The following UNC80 variants were observed in gnomAD, a reference collection of about 807,000 sequenced individuals.
The protein encoded by UNC80 is protein unc-80 homolog.
UNC80 carries 164 observed loss-of-function variants against 384.6 expected under a neutral mutation model. The ratio of observed to expected loss-of-function variants is 0.43; its 90% CI spans 0.38 to 0.49. The LOEUF (loss-of-function observed/expected upper bound fraction) is 0.49, where lower values mean the gene tolerates loss of function less well. Among genes scored for constraint, UNC80 ranks in the 20% least tolerant of loss-of-function variants. The pLI is 0.00. For missense variants in UNC80, 3,330 were observed against 4,143.0 expected (o/e 0.80, Z 5.39); for synonymous variants, 1,486 against 1,527.8 (o/e 0.97, Z 0.64).
intron 4 of UNC80, among the ~76,000 whole-genome samples, chr2:209,784,397 A>G (rs2077310690): frequency 6.6e-6 from 1 of 152,102 alleles, no homozygotes; most frequent in African/African-American, 2.4e-5. Flanking sequence ...CCTTATCAAG[A>G]CCTATCAGGC....
intron 31 of UNC80, among the ~76,000 whole-genome samples, chr2:209,915,449 G>A (rs1045233022): frequency 6.6e-6 from 1 of 151,026 alleles, no homozygotes; most frequent in African/African-American, 2.4e-5. Flanking sequence ...ATGTGGACGT[G>A]CACTGGGCTT....
At chr2:209,853,073 A>G (rs2082647694) in intron 22 of UNC80, among the ~76,000 whole-genome samples, 1 of 152,152 alleles carries the variant, frequency 6.6e-6, no homozygotes, top group Non-Finnish European at 1.5e-5. Context: ...ATATACATAT[A>G]CACAGATAGA....
intron 8 of UNC80, among the ~76,000 whole-genome samples, chr2:209,814,947 G>GA (rs2079624346): frequency 6.6e-6 from 1 of 150,500 alleles, no homozygotes; most frequent in East Asian, 2.0e-4. Context: ...TCATTCAATG[G>GA]AAAAAACAAA....
At chr2:209,924,833 T>C (rs1379121115) in intron 35 of UNC80, among the ~76,000 whole-genome samples, 2 of 151,516 alleles carry the variant, frequency 1.3e-5, no homozygotes, top group Non-Finnish European at 2.9e-5. Flanking sequence ...AAGCTTTAAG[T>C]CAAGCTAAAT....
rs2081584623 is a variant in UNC80, at chr2:209,839,490, A to C, written c.3250+60A>C. ...TTATTACCAACCATGTCCTCAGATCAACTCAGTGATGCATAGTAGGGCCGA... is the reference window on the plus strand; with the variant it reads ...TTATTACCAACCATGTCCTCAGATCCACTCAGTGATGCATAGTAGGGCCGA... On this transcript the variant is annotated intron_variant, in intron 19 of 64. Coordinates refer to ENST00000673920, the MANE Select transcript of UNC80 (RefSeq NM_001371986.1). The surrounding 1 kb of genome is among the most constrained non-coding windows in gnomAD (Gnocchi z 4.1). 1 of 1,532,952 alleles carries C rather than the reference A, an allele frequency of 6.5e-7. No individual in the cohort carries two copies. The highest frequency in any genetic ancestry group is 1.4e-5 in the African/African-American group (1 of 72,826). 95.0% of individuals were successfully genotyped at this position (1,532,952 alleles called of 1,614,324 possible). A position where few individuals can be genotyped will look rare whatever the true frequency, so the allele number is the denominator to read the frequency against.
At chr2:209,850,687 C>G (rs2082465552) in intron 22 of UNC80, among the ~76,000 whole-genome samples, 1 of 152,056 alleles carries the variant, frequency 6.6e-6, no homozygotes, top group African/African-American at 2.4e-5. Flanking sequence ...GTCAGTTTCT[C>G]ATTATTGGGT....
intron 12 of UNC80, 21 bp downstream of exon 12, chr2:209,819,282 T>G: frequency 1.3e-6 from 2 of 1,539,298 alleles, no homozygotes; most frequent in Non-Finnish European, 1.8e-6. Flanking sequence ...AGAATTTTTC[T>G]TACCAAAGTT....
intron 45 of UNC80, 84 bp downstream of exon 45, chr2:209,943,598 G>T: frequency 6.8e-7 from 1 of 1,476,398 alleles, no homozygotes. Context: ...ACTATGGCAA[G>T]GGAGTTGGCT....
intron 13 of UNC80, among the ~76,000 whole-genome samples, chr2:209,821,036 T>C: frequency 6.6e-6 from 1 of 152,228 alleles, no homozygotes; most frequent in Non-Finnish European, 1.5e-5. Context: ...AATGTCTTAG[T>C]CTCCTCAAGC....
intron 44 of UNC80, among the ~76,000 whole-genome samples, chr2:209,942,518 A>G (rs1305387678): frequency 6.6e-6 from 1 of 152,190 alleles, no homozygotes. Context: ...ATTTAGGAGT[A>G]CTAAATAAAA....
intron 35 of UNC80, among the ~76,000 whole-genome samples, chr2:209,923,584 C>G (rs2090205331): frequency 6.6e-6 from 1 of 152,116 alleles, no homozygotes; most frequent in South Asian, 2.1e-4. Flanking sequence ...CAATCCTTCT[C>G]TCAGTACCAT....
chr2:209,966,241 C>T (rs2092738525), intron 51 of UNC80, among the ~76,000 whole-genome samples: 1 of 152,160 alleles, frequency 6.6e-6, no homozygotes, highest in Non-Finnish European at 1.5e-5. Flanking sequence ...AATGAATTTT[C>T]ACTATCTTGA....
rs1011846258 is a variant in UNC80 at position 209,888,103 on chromosome 2, G to A, written c.4119G>A (p.Glu1373=). The change falls in exon 26 of 65, where the codon GAG becomes GAA. Residue 1373 remains glutamate, a synonymous_variant. Transcript: ENST00000673920. Reference sequence around the variant, plus strand: ...CCTCACTGGCATTTTAGGACTTGGAGAGCTGCAGACTTCGTTTGGATCCCG... The same window carrying A: ...CCTCACTGGCATTTTAGGACTTGGAAAGCTGCAGACTTCGTTTGGATCCCG... The part of the protein sequence containing the change: ...RPRTEPLVDL[E]SCRLRLDPEL... 1.3e-6 allele frequency: 2 copies of A among 1,551,692 alleles called. No homozygotes were observed. Among genetic ancestry groups the A allele is most frequent in the Non-Finnish European group, 1.7e-6 (2 of 1,146,986 alleles).
At chr2:209,809,610 C>T in intron 7 of UNC80, 1 of 688,932 alleles carries the variant, frequency 1.5e-6, no homozygotes, top group South Asian at 1.8e-5. Flanking sequence ...CTCTCCCTAC[C>T]AGACACCCTG....
chr2:209,985,598 T>C (rs1165754004), intron 61 of UNC80, among the ~76,000 whole-genome samples: 2 of 152,248 alleles, frequency 1.3e-5, no homozygotes, highest in Non-Finnish European at 2.9e-5. Flanking sequence ...TCTTGGCTAT[T>C]GGTTTAAAGC....
At chr2:209,816,781 G>T (rs1056198673) in intron 9 of UNC80, 128 bp from the exon 10 acceptor site, 5 of 789,342 alleles carry the variant, frequency 6.3e-6, no homozygotes, top group Non-Finnish European at 1.0e-5. Flanking sequence ...ATGATATTCA[G>T]TGACTTTCTG....
At chr2:209,829,159 C>T in intron 14 of UNC80, 73 bp from the exon 15 acceptor site, 1 of 1,514,500 alleles carries the variant, frequency 6.6e-7, no homozygotes, top group African/African-American at 1.4e-5. Flanking sequence ...CTGAAGGCTT[C>T]TGTCTCAGAC....
At chr2:209,916,432 C>T (rs1026593181) in intron 31 of UNC80, among the ~76,000 whole-genome samples, 3 of 152,110 alleles carry the variant, frequency 2.0e-5, no homozygotes, top group Non-Finnish European at 2.9e-5. Context: ...TCTGAGGATT[C>T]GTGAGCATTA....
In UNC80 at chr2:209,842,383, G is replaced by A. The variant is rs2081832142; in HGVS notation, c.3391G>A (p.Gly1131Ser). The change falls in exon 21 of 65, where the codon GGT becomes AGT. Residue 1131 changes from glycine to serine, a missense_variant. By Grantham distance (56) the Gly-to-Ser change is moderately conservative. Transcript: ENST00000673920. Reference protein sequence around the residue: ...KFTSAVKLSEGGPGSGMENGR... With the variant: ...KFTSAVKLSESGPGSGMENGR... ...CACTAGTGCTGTGAAGCTTTCTGAAGGTGGGCCAGGAAGTGGCATGGAAAA... is the reference window on the plus strand; with the variant it reads ...CACTAGTGCTGTGAAGCTTTCTGAAAGTGGGCCAGGAAGTGGCATGGAAAA... 3 of 1,550,794 alleles carry A rather than the reference G, an allele frequency of 1.9e-6. No individual in the cohort carries two copies. The highest frequency in any genetic ancestry group is 1.4e-5 in the African/African-American group (1 of 72,912).
Sources: allele counts gnomAD v4.1 joint callset (sites outside exome capture counted in the v4.1 genomes callset), GRCh38; gene constraint gnomAD v4.1.1; non-coding constraint Gnocchi (gnomAD v3.1); transcripts MANE v1.5; gene names NCBI Gene and HGNC (gene_info 2026-07-23, HGNC 2026-07-21).